SIRPG: variants seen among roughly 807,000 people sequenced by gnomAD.
The protein encoded by SIRPG is signal-regulatory protein gamma.
Under a neutral mutation model 35.7 loss-of-function variants are expected in SIRPG, and 38 were observed. That is an observed-to-expected ratio of 1.06 (90% confidence interval 0.82 to 1.40). The LOEUF (loss-of-function observed/expected upper bound fraction) is 1.40, where lower values mean the gene tolerates loss of function less well. Ranked by LOEUF, SIRPG falls within the 40% of genes most tolerant of loss-of-function variation. The pLI is 0.00. For synonymous variants in SIRPG, 215 were observed against 190.4 expected, an observed-to-expected ratio of 1.13 and a Z score of -1.06; for missense variants, 519 against 483.0, an observed-to-expected ratio of 1.07 and a Z score of -0.70.
chr20:1,651,804 C>T (rs142532556), intron 1 of SIRPG, among the ~76,000 whole-genome samples: 9 of 152,164 alleles, frequency 5.9e-5, no homozygotes, highest in African/African-American at 1.7e-4. Flanking sequence ...CCAAGACTCT[C>T]TATCCTAAAA....
chr20:1,653,365 A>C (rs903088545), intron 1 of SIRPG, among the ~76,000 whole-genome samples: 1 of 152,228 alleles, frequency 6.6e-6, no homozygotes, highest in Admixed American at 6.5e-5. Context: ...AAAAGAGGTA[A>C]GGCATTTTCA....
chr20:1,630,108 G>A (rs897914415), intron 5 of SIRPG, 114 bp downstream of exon 5: 40 of 791,118 alleles, frequency 5.1e-5, no homozygotes, highest in African/African-American at 6.9e-5. Flanking sequence ...CCGAGGGTGC[G>A]GAGGGAGCTT....
the SIRPG span, among the ~76,000 whole-genome samples, chr20:1,668,407 G>C: frequency 6.6e-6 from 1 of 151,226 alleles, no homozygotes; most frequent in Non-Finnish European, 1.5e-5. Context: ...TTCAGCTTCC[G>C]GCGTAGCTGA....
In SIRPG at chr20:1,635,615, G is replaced by A. The variant is rs772584701; in HGVS notation, c.749-16C>T. The A allele has an allele frequency of 1.2e-6, 2 of 1,612,274 alleles. No individual in the cohort carries two copies. The highest frequency in any genetic ancestry group is 1.7e-6 in the Non-Finnish European group (2 of 1,178,738). On this transcript the variant is annotated splice_polypyrimidine_tract_variant and intron_variant, in intron 3 of 5. Coordinates refer to ENST00000303415, the MANE Select transcript of SIRPG (RefSeq NM_018556.4). ...GTGGGTGGAACTGAAACAGCACAGG[G>A]TAGAAGCTCTGATCTTCTGGCACAG...
Position 1,643,622 on chromosome 20 carries a change from C to G in SIRPG, c.430+5430G>C, listed in dbSNP as rs144654732. On this transcript the variant is annotated intron_variant, in intron 2 of 5. Transcript: ENST00000303415. ...CAGTTTTGCACCCCTGCTGGAGACT[C>G]ATTGCGATCATTTGGAGGAGAAGAG... 2.4e-3 allele frequency among the ~76,000 whole-genome samples: 365 copies of G among 152,302 alleles called. 4 individuals are homozygous for G. The highest frequency in any genetic ancestry group is 8.4e-3 in the African/African-American group (351 of 41,560).
chr20:1,667,354 G>C, the SIRPG span, among the ~76,000 whole-genome samples: 2 of 152,202 alleles, frequency 1.3e-5, no homozygotes, highest in African/African-American at 2.4e-5. Flanking sequence ...GTTTATGTAA[G>C]TACACTTTGT....
chr20:1,683,792 AC>A, the SIRPG span, among the ~76,000 whole-genome samples: 2 of 152,080 alleles, frequency 1.3e-5, no homozygotes, highest in Non-Finnish European at 2.9e-5. Flanking sequence ...ACATGGTGAA[AC>A]CCCGTCACTA....
At chr20:1,633,567 T>A (rs2091767766) in intron 4 of SIRPG, 1 of 152,246 alleles carries the variant, frequency 6.6e-6, no homozygotes, top group Non-Finnish European at 1.5e-5. Flanking sequence ...ATGACTGAGT[T>A]AGCTGTGGAC....
chr20:1,677,222 C>A, the SIRPG span, among the ~76,000 whole-genome samples: 1 of 152,116 alleles, frequency 6.6e-6, no homozygotes, highest in South Asian at 2.1e-4. Context: ...GGTTGAGGAC[C>A]TGAATGGAGC....
chr20:1,667,215 A>G, the SIRPG span, among the ~76,000 whole-genome samples: 1 of 152,208 alleles, frequency 6.6e-6, no homozygotes, highest in African/African-American at 2.4e-5. Flanking sequence ...TTAGATACAC[A>G]AAAACTACTG....
intron 4 of SIRPG, among the ~76,000 whole-genome samples, chr20:1,632,606 T>C (rs2091760186): frequency 6.6e-6 from 1 of 151,988 alleles, no homozygotes; most frequent in Admixed American, 6.6e-5. Flanking sequence ...TTTACCTCCC[T>C]GAGAAGTAAA....
chr20:1,662,296 C>G (rs1316687386), upstream of SIRPG, among the ~76,000 whole-genome samples: 1 of 152,188 alleles, frequency 6.6e-6, no homozygotes, highest in African/African-American at 2.4e-5. Context: ...GTCTTAGACA[C>G]AAACTCGAGG....
intron 1 of SIRPG, among the ~76,000 whole-genome samples, chr20:1,650,897 G>A (rs2091936378): frequency 6.6e-6 from 1 of 152,184 alleles, no homozygotes; most frequent in African/African-American, 2.4e-5. Context: ...GAGACCCTCA[G>A]TAAGATTATC....
chr20:1,684,179 C>T, the SIRPG span, among the ~76,000 whole-genome samples: 2 of 152,038 alleles, frequency 1.3e-5, no homozygotes, highest in African/African-American at 2.4e-5. Flanking sequence ...TAAGTTCTCA[C>T]CACAAAAAGT....
chr20:1,681,069 G>A, the SIRPG span, among the ~76,000 whole-genome samples: 10 of 152,342 alleles, frequency 6.6e-5, no homozygotes, highest in South Asian at 1.4e-3. Flanking sequence ...ACTTTCTTAA[G>A]AGACTGAAAT....
At position 1,636,385 on chromosome 20, in the gene SIRPG, T is replaced by G; in HGVS notation, c.551A>C (p.Lys184Thr). ...GAAGTCTGAGAGCTCATTCCCATTTTTGAACCATTTCAGGGTGATGTCTCT... is the reference window on the plus strand; with the variant it reads ...GAAGTCTGAGAGCTCATTCCCATTTGTGAACCATTTCAGGGTGATGTCTCT... ...SPRDITLKWF[K>T]NGNELSDFQT... Residue 184 changes from lysine (K) to threonine (T), a missense_variant, in exon 3 of 6, where the codon AAA (lysine) becomes ACA (threonine). By Grantham distance (78) the Lys-to-Thr change is moderately conservative. Coordinates refer to ENST00000303415, the MANE Select transcript of SIRPG (RefSeq NM_018556.4). The G allele has an allele frequency of 6.2e-7, 1 of 1,614,250 alleles. No individual in the cohort carries two copies. Among genetic ancestry groups the G allele is most frequent in the Admixed American group, 1.7e-5 (1 of 60,034 alleles).
chr20:1,673,704 T>C, the SIRPG span, among the ~76,000 whole-genome samples: 6 of 151,994 alleles, frequency 3.9e-5, no homozygotes, highest in Non-Finnish European at 7.4e-5. Flanking sequence ...GTTTGGCAAA[T>C]TGGCTTTCAA....
Position 1,630,319 on chromosome 20 carries a change from G to T in SIRPG, c.1082-13C>A, listed in dbSNP as rs771093174. ...GATGATGCCGGGCCTGGAAATCAGG[G>T]AAGACGAGGGGCTATGAGAGAGACC... On this transcript the variant is annotated splice_polypyrimidine_tract_variant and intron_variant, in intron 4 of 5. Transcript: ENST00000303415. 3.2e-6 allele frequency: 5 copies of T among 1,547,928 alleles called. No individual in the cohort carries two copies. The highest frequency in any genetic ancestry group is 3.5e-6 in the Non-Finnish European group (4 of 1,143,514).
At chr20:1,630,349 G>T in intron 4 of SIRPG, 43 bp from the exon 5 acceptor site, 3 of 1,490,074 alleles carry the variant, frequency 2.0e-6, no homozygotes, top group South Asian at 1.2e-5. Context: ...GAGACCACTT[G>T]GGAGGCCATT....
Sources: allele counts gnomAD v4.1 joint callset (sites outside exome capture counted in the v4.1 genomes callset), GRCh38; gene constraint gnomAD v4.1.1; transcripts MANE v1.5; gene names NCBI Gene and HGNC (gene_info 2026-07-23, HGNC 2026-07-21).